The following MFSD11 variants were observed in gnomAD, a reference collection of about 807,000 sequenced individuals.
The protein encoded by MFSD11 is major facilitator superfamily domain containing 11, also known as UNC93-like protein MFSD11.
MFSD11 carries 36 observed loss-of-function variants against 53.5 expected under a neutral mutation model. That is an observed-to-expected ratio of 0.67 (90% CI 0.52 to 0.89). The LOEUF (loss-of-function observed/expected upper bound fraction) is 0.89, where lower values mean the gene tolerates loss of function less well. MFSD11 is among the 40% of genes least tolerant of loss of function. The probability of loss-of-function intolerance (pLI) is 0.00; values close to 1 mark genes in which losing one functional copy is unlikely to be tolerated. For missense variants in MFSD11, 530 were observed against 543.9 expected (o/e 0.97, Z 0.25); for synonymous variants, 186 against 184.9 (o/e 1.01, Z -0.05).
intron 8 of MFSD11, among the ~76,000 whole-genome samples, chr17:76,766,106 G>A (rs770408451): frequency 4.6e-5 from 7 of 150,820 alleles, no homozygotes; most frequent in Non-Finnish European, 1.0e-4. Context: ...TGTTAGCTAA[G>A]TCTTCTGATT....
At chr17:76,780,672 C>T (rs1439852887), downstream of MFSD11, among the ~76,000 whole-genome samples, 3 of 151,952 alleles carry the variant, frequency 2.0e-5, no homozygotes, top group Non-Finnish European at 2.9e-5. Context: ...TGCACCACCC[C>T]GCCTGGCTAA....
chr17:76,745,765 G>A (rs1352755608), intron 7 of MFSD11, among the ~76,000 whole-genome samples: 1 of 152,072 alleles, frequency 6.6e-6, no homozygotes, highest in East Asian at 1.9e-4. Flanking sequence ...TAGCCTCTAT[G>A]TGTTAAAGTG....
the MFSD11 span, among the ~76,000 whole-genome samples, chr17:76,800,096 C>T: frequency 2.6e-5 from 4 of 151,008 alleles, no homozygotes; most frequent in Admixed American, 6.6e-5. Flanking sequence ...GCTGGGATTA[C>T]GGGCACCCGC....
At chr17:76,754,785 G>C (rs2079408496) in intron 8 of MFSD11, among the ~76,000 whole-genome samples, 1 of 151,986 alleles carries the variant, frequency 6.6e-6, no homozygotes, top group African/African-American at 2.4e-5. Flanking sequence ...CATGCATTGA[G>C]AAGTCTTCCT....
rs1307031871 is a variant in MFSD11, at chr17:76,742,062, T to A, written c.340+14T>A. The A allele has an allele frequency of 6.2e-7, 1 of 1,614,070 alleles. No homozygotes were observed. Among genetic ancestry groups the A allele is most frequent in the East Asian group, 2.2e-5 (1 of 44,890 alleles). On this transcript the variant is annotated intron_variant, in intron 4 of 12. Coordinates refer to ENST00000685175, the MANE Select transcript of MFSD11 (RefSeq NM_001242532.5). ...TTGCTGCTGCTGGTAAGCATTTTGA[T>A]TTTTAACTTCTCTGCTTTCTTTTCT...
intron 8 of MFSD11, among the ~76,000 whole-genome samples, chr17:76,762,301 A>G (rs1326935926): frequency 6.6e-6 from 1 of 152,158 alleles, no homozygotes; most frequent in Admixed American, 6.6e-5. Flanking sequence ...AGTCATTCCT[A>G]TATTTTATGT....
chr17:76,758,058 G>A (rs1438744351), intron 8 of MFSD11, among the ~76,000 whole-genome samples: 1 of 151,900 alleles, frequency 6.6e-6, no homozygotes, highest in Non-Finnish European at 1.5e-5. Flanking sequence ...ACTTATCCTA[G>A]TAAACACTAA....
At chr17:76,756,874 AAAAG>A (rs1375221153) in intron 8 of MFSD11, among the ~76,000 whole-genome samples, 1 of 152,110 alleles carries the variant, frequency 6.6e-6, no homozygotes, top group Non-Finnish European at 1.5e-5. Context: ...AAAAAAAAAA[AAAAG>A]AATACCCATT....
In MFSD11 at chr17:76,769,850, A is replaced by T; in HGVS notation, c.853A>T (p.Ile285Phe). Residue 285 changes from isoleucine (I) to phenylalanine (F), a missense_variant, in exon 10 of 13, where the codon ATC becomes TTC. Transcript: ENST00000685175. ...KSLIGLSGIFIGIGEILGGSL... is the reference protein window; with the variant it reads ...KSLIGLSGIFFGIGEILGGSL... Reference sequence around the variant, plus strand: ...CCTTATTGGACTTTCTGGCATTTTCATCGGCATTGGAGAAATTTTAGGTTG... The same window carrying T: ...CCTTATTGGACTTTCTGGCATTTTCTTCGGCATTGGAGAAATTTTAGGTTG... 6.2e-7 allele frequency: 1 copy of T among 1,610,906 alleles called. No homozygotes were observed. Among genetic ancestry groups the T allele is most frequent in the Non-Finnish European group, 8.5e-7 (1 of 1,179,304 alleles).
intron 8 of MFSD11, 187 bp from the exon 9 acceptor site, chr17:76,767,199 G>C: frequency 2.0e-6 from 1 of 508,336 alleles, no homozygotes; most frequent in Admixed American, 4.0e-5. Flanking sequence ...TTAAGCACTT[G>C]AAATAAACGT....
At chr17:76,773,169 G>C (rs978794456) in intron 10 of MFSD11, 6 of 152,396 alleles carry the variant, frequency 3.9e-5, no homozygotes, top group Non-Finnish European at 1.5e-5. Flanking sequence ...TTGTTTTTCT[G>C]TGTAGCTTTC....
chr17:76,737,266 T>A, upstream of MFSD11: 1 of 1,410,662 alleles, frequency 7.1e-7, no homozygotes, highest in Non-Finnish European at 9.4e-7. Flanking sequence ...GTGGGGACAC[T>A]GGGAAAGGCC....
chr17:76,739,570 A>T (rs2077853884), intron 2 of MFSD11, among the ~76,000 whole-genome samples: 1 of 152,208 alleles, frequency 6.6e-6, no homozygotes, highest in Admixed American at 6.5e-5. Flanking sequence ...TTTCTTTTTT[A>T]AAATTAGATT....
At chr17:76,769,975 C>T (rs1336777940) in intron 10 of MFSD11, 104 bp downstream of exon 10, 8 of 1,005,682 alleles carry the variant, frequency 8.0e-6, no homozygotes, top group South Asian at 1.7e-5. Context: ...TCTGTTTTTT[C>T]TACTTATTTT....
At chr17:76,737,046 G>C, upstream of MFSD11, 1 of 1,613,344 alleles carries the variant, frequency 6.2e-7, no homozygotes. Flanking sequence ...TCGCCGACGC[G>C]CCCGTACTTC....
At chr17:76,775,908 T>C (rs1483781269) in intron 11 of MFSD11, among the ~76,000 whole-genome samples, 1 of 152,210 alleles carries the variant, frequency 6.6e-6, no homozygotes, top group East Asian at 1.9e-4. Flanking sequence ...TTTGTTAGAA[T>C]GTAAAGGTGT....
At chr17:76,748,499 A>G (rs565621743) in intron 7 of MFSD11, among the ~76,000 whole-genome samples, 1 of 151,982 alleles carries the variant, frequency 6.6e-6, no homozygotes, top group African/African-American at 2.4e-5. Context: ...AGCCTGGGCA[A>G]CATAGCAAGA....
rs768711656 is a variant in MFSD11 at position 76,775,971 on chromosome 17, T to TTTTA, written c.1050-415_1050-412dup. On this transcript the variant is annotated intron_variant, in intron 11 of 12. Transcript: ENST00000685175. ...GTAAATTCTAGTCTTTATGTTTTAT[T>TTTTA]TTTATTTATTTATTTATTTATTTTG... Among the ~76,000 whole-genome samples the TTTTA allele has an allele frequency of 1.1e-4, 16 of 152,150 alleles. 1 individual carries two copies. In the East Asian group the frequency reaches 2.5e-3, roughly 24 times the overall value.
chr17:76,759,681 T>C (rs150060847), intron 8 of MFSD11, among the ~76,000 whole-genome samples: 2,006 of 150,500 alleles, frequency 0.013, 42 homozygotes, highest in African/African-American at 0.045. Context: ...ATGGTCTCGA[T>C]CTCCTGATCT....
Sources: allele counts gnomAD v4.1 joint callset (sites outside exome capture counted in the v4.1 genomes callset), GRCh38; gene constraint gnomAD v4.1.1; transcripts MANE v1.5; gene names NCBI Gene and HGNC (gene_info 2026-07-23, HGNC 2026-07-21).